HNRNPH1: variants seen among roughly 807,000 people sequenced by gnomAD.
HNRNPH1 encodes heterogeneous nuclear ribonucleoprotein H.
A neutral mutation model predicts 58.6 loss-of-function variants in HNRNPH1; 4 were observed. The ratio of observed to expected loss-of-function variants is 0.07; its 90% CI spans 0.03 to 0.16. The LOEUF (loss-of-function observed/expected upper bound fraction) is 0.16. Among genes scored for constraint, HNRNPH1 ranks in the 10% least tolerant of loss-of-function variants. The probability of loss-of-function intolerance (pLI) is 1.00; values close to 1 mark genes in which losing one functional copy is unlikely to be tolerated. For synonymous variants in HNRNPH1, 192 were observed against 189.2 expected (o/e 1.01, Z -0.12); for missense variants, 271 against 564.2 (o/e 0.48, Z 5.26).
chr5:179,615,316 T>C (rs887516714), intron 12 of HNRNPH1: 6 of 473,402 alleles, frequency 1.3e-5, no homozygotes, highest in African/African-American at 7.9e-5. Flanking sequence ...ACATTCACAA[T>C]GTGTCCCTCG....
intron 12 of HNRNPH1, 114 bp downstream of exon 13, chr5:179,615,432 C>A: frequency 1.7e-6 from 1 of 574,596 alleles, no homozygotes; most frequent in Admixed American, 3.3e-5. Context: ...CTCACTGTGC[C>A]CAAATGGCAG....
At chr5:179,622,180 A>AT (rs1320672396) in intron 1 of HNRNPH1, among the ~76,000 whole-genome samples, 3 of 152,220 alleles carry the variant, frequency 2.0e-5, no homozygotes, top group African/African-American at 7.2e-5. Context: ...AGTGAGCCAG[A>AT]TTAAGAACTA....
At position 179,623,174 on chromosome 5, in the gene HNRNPH1, G is replaced by A. The variant is rs1300528487; in HGVS notation, c.-41C>T. On this transcript the variant is annotated 5_prime_UTR_variant, in exon 1 of 13. Transcript: ENST00000356731. Reference sequence around the variant, plus strand: ...CCGGCGTCGAAACAAACTGCAAAGCGGGGAGGACCAGAACTGAGAGCGCCA... The same window carrying A: ...CCGGCGTCGAAACAAACTGCAAAGCAGGGAGGACCAGAACTGAGAGCGCCA... 5.5e-6 allele frequency: 8 copies of A among 1,463,862 alleles called. No homozygotes were observed. Among genetic ancestry groups the A allele is most frequent in the East Asian group, 2.4e-5 (1 of 42,520 alleles). 90.7% of individuals were successfully genotyped at this position (1,463,862 alleles called of 1,614,324 possible).
intron 2 of HNRNPH1, among the ~76,000 whole-genome samples, chr5:179,632,537 C>T (rs1328325975): frequency 1.3e-5 from 2 of 152,168 alleles, no homozygotes; most frequent in Admixed American, 6.5e-5. Context: ...ACACCATGAG[C>T]GGCGGAAACA....
chr5:179,624,544 C>T (rs572772341), exon 1 of HNRNPH1: 1 of 398,776 alleles, frequency 2.5e-6, no homozygotes, highest in East Asian at 3.6e-5. Flanking sequence ...GCTGCATCTC[C>T]CAGAGCAGAA....
chr5:179,623,146 G>C, exon 1 of HNRNPH1: 1 of 1,591,406 alleles, frequency 6.3e-7, no homozygotes, highest in Non-Finnish European at 8.6e-7. Flanking sequence ...TCTCTTACGC[G>C]GTCCGGCGTC....
chr5:179,616,013 GC>G (rs879370691), intron 11 of HNRNPH1, 112 bp downstream of exon 12: 1 of 897,548 alleles, frequency 1.1e-6, no homozygotes, highest in Non-Finnish European at 1.8e-6. Context: ...AAAGGCACCT[GC>G]CTGCGACTTA....
chr5:179,617,022 C>A, intron 9 of HNRNPH1, 29 bp downstream of exon 10: 1 of 1,605,948 alleles, frequency 6.2e-7, no homozygotes, highest in Middle Eastern at 1.7e-4. Flanking sequence ...GATATTTACA[C>A]AAACCCATGC....
chr5:179,616,263 T>C, intron 10 of HNRNPH1, 45 bp from the exon 12 acceptor site: 2 of 1,347,798 alleles, frequency 1.5e-6, no homozygotes, highest in Non-Finnish European at 2.1e-6. Flanking sequence ...TTATGTGATG[T>C]GGTACCTGGT....
Position 179,623,682 on chromosome 5 carries a change from G to C in HNRNPH1, c.-549C>G, listed in dbSNP as rs886872597. The C allele has an allele frequency of 6.5e-5, 10 of 152,766 alleles. No homozygotes were observed. The highest frequency in any genetic ancestry group is 1.9e-4 in the South Asian group (1 of 5,250). The allele number at this position is 152,766 out of a possible 1,614,324, so 9.5% of individuals were successfully genotyped here. A position where few individuals can be genotyped will look rare whatever the true frequency, so the allele number is the denominator to read the frequency against. On this transcript the variant is annotated 5_prime_UTR_variant, in exon 1 of 13. Coordinates refer to ENST00000356731, the Ensembl canonical transcript of HNRNPH1. Reference sequence around the variant, plus strand: ...GGCTAAGACGAAATGGCCAGCGGGCGCCTGCGCAACCTAAATAAGGTCCCT... The same window carrying C: ...GGCTAAGACGAAATGGCCAGCGGGCCCCTGCGCAACCTAAATAAGGTCCCT...
At chr5:179,622,973 GCCGCCCGCCAGCCCGCCCGC>G (rs1351386196) in intron 1 of HNRNPH1, 44 bp downstream of exon 2, 4 of 174,590 alleles carry the variant, frequency 2.3e-5, no homozygotes, top group South Asian at 6.3e-5. Context: ...CCCCAGCCCG[GCCGCCCGCCAGCCCGCCCGC>G]CCCGGCCTCG....
At chr5:179,628,118 C>T (rs1327419668), upstream of HNRNPH1, among the ~76,000 whole-genome samples, 1 of 151,648 alleles carries the variant, frequency 6.6e-6, no homozygotes, top group Non-Finnish European at 1.5e-5. Flanking sequence ...CCACTGCACC[C>T]GGCCTATGAT....
chr5:179,621,685 T>C (rs182614210), intron 1 of HNRNPH1: 128 of 438,580 alleles, frequency 2.9e-4, no homozygotes, highest in African/African-American at 2.1e-3. Flanking sequence ...ACATCTTTTA[T>C]CAATTTCTCA....
intron 12 of HNRNPH1, 179 bp downstream of exon 13, chr5:179,615,367 C>A: frequency 2.0e-6 from 1 of 504,030 alleles, no homozygotes; most frequent in South Asian, 3.8e-5. Flanking sequence ...AAGTCTCTTG[C>A]TTTTCCTATT....
upstream of HNRNPH1, among the ~76,000 whole-genome samples, chr5:179,625,101 G>A (rs1472997476): frequency 6.6e-6 from 1 of 152,092 alleles, no homozygotes; most frequent in Non-Finnish European, 1.5e-5. Flanking sequence ...GATGGAGCAG[G>A]CAGGGTGAAT....
chr5:179,629,003 T>TG (rs1774594018), upstream of HNRNPH1: 4 of 145,990 alleles, frequency 2.7e-5, no homozygotes, highest in Admixed American at 2.8e-4. Context: ...ATAAATGCAA[T>TG]CATAAATAAC....
rs1554137222 is a variant in HNRNPH1 at position 179,632,753 on chromosome 5, C to CCTTTTT, written c.-32+1311_-32+1312insAAAAAG. Among the ~76,000 whole-genome samples the CCTTTTT allele has an allele frequency of 5.0e-4, 46 of 92,004 alleles. 3 individuals are homozygous for CCTTTTT. The highest frequency in any genetic ancestry group is 2.9e-3 in the South Asian group (6 of 2,102). 60.4% of individuals were successfully genotyped at this position (92,004 alleles called of 152,430 possible). Reference sequence around the variant, plus strand: ...CACTGTCTAAAGCCAAATCAAATATCTTTTTTTTTTTTTTTTTTTTTGAGA... The same window carrying CCTTTTT: ...CACTGTCTAAAGCCAAATCAAATATCCTTTTTTTTTTTTTTTTTTTTTTTTTTGAGA... On this transcript the variant is annotated intron_variant, in intron 2 of 4. Coordinates refer to the HNRNPH1 transcript ENST00000521116.
intron 3 of HNRNPH1, among the ~76,000 whole-genome samples, chr5:179,620,281 C>T (rs1005552127): frequency 6.6e-6 from 1 of 152,188 alleles, no homozygotes; most frequent in African/African-American, 2.4e-5. Flanking sequence ...GCAATCTTAT[C>T]AGCTCTTCAG....
chr5:179,618,948 A>G (rs1393613402), intron 4 of HNRNPH1: 1 of 178,756 alleles, frequency 5.6e-6, no homozygotes, highest in African/African-American at 2.4e-5. Context: ...TCTTATGGTA[A>G]TATTAATTTA....
Sources: allele counts gnomAD v4.1 joint callset (sites outside exome capture counted in the v4.1 genomes callset), GRCh38; gene constraint gnomAD v4.1.1; transcripts MANE v1.5; gene names NCBI Gene and HGNC (gene_info 2026-07-23, HGNC 2026-07-21).